The following MCTP2 variants were observed in gnomAD, a reference collection of about 807,000 sequenced individuals.
MCTP2 encodes multiple C2 and transmembrane domain containing 2, also known as multiple C2 and transmembrane domain-containing protein 2.
In MCTP2, 132 loss-of-function variants were observed where a neutral mutation model predicts 111.6. The ratio of observed to expected loss-of-function variants is 1.18; its 90% CI spans 1.03 to 1.37. The LOEUF (loss-of-function observed/expected upper bound fraction) is 1.37, where lower values mean the gene tolerates loss of function less well. Ranked by LOEUF, MCTP2 falls within the 40% of genes most tolerant of loss-of-function variation. The pLI, the probability that MCTP2 is intolerant of heterozygous loss-of-function variation, is 0.00. For missense variants in MCTP2, 1,183 were observed against 1,067.9 expected, an observed-to-expected ratio of 1.11 and a Z score of -1.50; for synonymous variants, 395 against 387.7, an observed-to-expected ratio of 1.02 and a Z score of -0.22.
chr15:94,244,313 C>G (rs2071531085), intron 1 of MCTP2, among the ~76,000 whole-genome samples: 1 of 147,518 alleles, frequency 6.8e-6, no homozygotes, highest in Non-Finnish European at 1.5e-5. Flanking sequence ...TTTATATACA[C>G]ATATGTATAC....
At position 94,457,373 on chromosome 15, in the gene MCTP2, G is replaced by A. The variant is rs76243861; in HGVS notation, c.2251-764G>A. On this transcript the variant is annotated intron_variant, in intron 19 of 22. Transcript: ENST00000357742. ...CTGGCATGGTAAAAACACATGTAAG[G>A]TTTTCTATAAGCAAAGTAAGGATAA... 2.8e-3 allele frequency among the ~76,000 whole-genome samples: 432 copies of A among 152,306 alleles called. 1 individual carries two copies. The highest frequency in any genetic ancestry group is 9.6e-3 in the African/African-American group (397 of 41,568).
Position 94,317,943 on chromosome 15 carries a change from T to C in MCTP2, c.637+2306T>C, listed in dbSNP as rs2076447542. ...GTATCCCTTCTCATTTCTATTATTATTATAAATGTATCTATTTTTACAACT... is the reference window on the plus strand; with the variant it reads ...GTATCCCTTCTCATTTCTATTATTACTATAAATGTATCTATTTTTACAACT... On this transcript the variant is annotated intron_variant, in intron 4 of 22. Coordinates refer to ENST00000357742, the MANE Select transcript of MCTP2 (RefSeq NM_001385001.1). Among the ~76,000 whole-genome samples, 3 of 152,156 alleles carry C rather than the reference T, an allele frequency of 2.0e-5. No individual in the cohort carries two copies. The South Asian group carries it at 6.2e-4, about 31-fold the overall frequency.
chr15:94,307,508 T>C (rs1431592502), intron 2 of MCTP2, among the ~76,000 whole-genome samples: 1 of 151,966 alleles, frequency 6.6e-6, no homozygotes, highest in Non-Finnish European at 1.5e-5. Flanking sequence ...GAGGCGGCAA[T>C]GGGAGGAGAT....
intron 1 of MCTP2, among the ~76,000 whole-genome samples, chr15:94,258,158 GAGCCAC>G (rs1596201396): frequency 6.6e-6 from 1 of 151,568 alleles, no homozygotes; most frequent in East Asian, 1.9e-4. Context: ...TTACAGGTGT[GAGCCAC>G]TGTGCCTGGC....
rs777115581 is a variant in MCTP2 at position 94,242,712 on chromosome 15, T to A, written c.-66+11048T>A. Among the ~76,000 whole-genome samples, 41 of 151,980 alleles carry A rather than the reference T, an allele frequency of 2.7e-4. 1 individual carries two copies. Among genetic ancestry groups the A allele is most frequent in the Non-Finnish European group, 1.0e-4 (7 of 67,954 alleles). On this transcript the variant is annotated intron_variant, in intron 1 of 22. Coordinates refer to ENST00000357742, the MANE Select transcript of MCTP2 (RefSeq NM_001385001.1). ...TTTTTTTAAACTTTAGATTTTTATT[T>A]TCATTTTAAAGATGTTTTTCCCTTT...
intron 1 of MCTP2, among the ~76,000 whole-genome samples, chr15:94,242,160 A>G (rs2071012673): frequency 6.6e-6 from 1 of 152,102 alleles, no homozygotes; most frequent in Non-Finnish European, 1.5e-5. Context: ...GGCTCCCTCA[A>G]ACCACCTTGT....
chr15:94,327,514 T>C (rs2152385174), intron 4 of MCTP2, among the ~76,000 whole-genome samples: 1 of 152,358 alleles, frequency 6.6e-6, no homozygotes, highest in East Asian at 1.9e-4. Context: ...CATTTGGGAT[T>C]TGCTTCTCAT....
intron 17 of MCTP2, among the ~76,000 whole-genome samples, chr15:94,428,782 G>A (rs527775511): frequency 6.6e-6 from 1 of 152,078 alleles, no homozygotes; most frequent in East Asian, 1.9e-4. Context: ...GTTAATTAGT[G>A]TACCCATTGT....
chr15:94,384,256 A>G (rs1445705402), intron 13 of MCTP2, 132 bp downstream of exon 13: 1 of 576,830 alleles, frequency 1.7e-6, no homozygotes, highest in Non-Finnish European at 2.8e-6. Context: ...AAAACCTTGT[A>G]TCCTTTCATT....
intron 4 of MCTP2, among the ~76,000 whole-genome samples, chr15:94,320,724 A>G (rs2076596352): frequency 6.6e-6 from 1 of 152,228 alleles, no homozygotes; most frequent in Non-Finnish European, 1.5e-5. Flanking sequence ...AAGGATTTAT[A>G]TGATTTCAGA....
Position 94,272,210 on chromosome 15 carries a change from A to AT in MCTP2, c.-65-25983dup, listed in dbSNP as rs61389976. Among the ~76,000 whole-genome samples, 443 of 152,162 alleles carry AT rather than the reference A, an allele frequency of 2.9e-3. 2 individuals carry two copies. The highest frequency in any genetic ancestry group is 0.01 in the African/African-American group (428 of 41,494). On this transcript the variant is annotated intron_variant, in intron 1 of 22. Transcript: ENST00000357742. ...ATATTTGTATGTAATGGCTAAGACA[A>AT]TTTTTTTTATTGGATGGTGCTTAAT...
At chr15:94,323,033 T>A (rs2076698654) in intron 4 of MCTP2, among the ~76,000 whole-genome samples, 1 of 152,230 alleles carries the variant, frequency 6.6e-6, no homozygotes, top group South Asian at 2.1e-4. Context: ...TTCACTGGCA[T>A]AAAGAGCTGT....
Position 94,380,372 on chromosome 15 carries a change from G to C in MCTP2, c.1583-3650G>C, listed in dbSNP as rs75676518. On this transcript the variant is annotated intron_variant, in intron 12 of 22. Coordinates refer to ENST00000357742, the MANE Select transcript of MCTP2 (RefSeq NM_001385001.1). ...GGGGCAGCATTTTCAGAATAGCAGA[G>C]ACCATTATGAGAGTCCCTTGCAGAT... Among the ~76,000 whole-genome samples, 990 of 152,288 alleles carry C rather than the reference G, an allele frequency of 6.5e-3. 10 individuals are homozygous for C. Among genetic ancestry groups the C allele is most frequent in the African/African-American group, 0.023 (953 of 41,540 alleles).
At chr15:94,236,386 T>A (rs968565382) in intron 1 of MCTP2, among the ~76,000 whole-genome samples, 1 of 133,276 alleles carries the variant, frequency 7.5e-6, no homozygotes, top group Admixed American at 7.5e-5. Flanking sequence ...TCTTTTTTTT[T>A]TTTTTTTTTT....
chr15:94,259,881 G>T (rs1255005823), intron 1 of MCTP2, among the ~76,000 whole-genome samples: 2 of 152,110 alleles, frequency 1.3e-5, no homozygotes, highest in Non-Finnish European at 2.9e-5. Context: ...TATTGTTATT[G>T]TTTGGACAGG....
At chr15:94,350,335 C>T (rs2078236704) in intron 8 of MCTP2, among the ~76,000 whole-genome samples, 1 of 152,270 alleles carries the variant, frequency 6.6e-6, no homozygotes, top group Non-Finnish European at 1.5e-5. Context: ...TGCCTGTAAT[C>T]CCAGCACTTT....
chr15:94,448,470 A>G (rs2084256377), intron 19 of MCTP2, among the ~76,000 whole-genome samples: 1 of 152,242 alleles, frequency 6.6e-6, no homozygotes, highest in Non-Finnish European at 1.5e-5. Context: ...TAGATTGAGT[A>G]TCCCTAATCT....
chr15:94,404,739 C>T (rs565905654), intron 17 of MCTP2, among the ~76,000 whole-genome samples: 29 of 149,364 alleles, frequency 1.9e-4, no homozygotes, highest in African/African-American at 5.6e-4. Flanking sequence ...ATTGGCGGGG[C>T]GGGTTGCACA....
intron 19 of MCTP2, among the ~76,000 whole-genome samples, chr15:94,455,976 A>G (rs559457035): frequency 6.6e-6 from 1 of 152,348 alleles, no homozygotes; most frequent in South Asian, 2.1e-4. Flanking sequence ...TATCCAGATG[A>G]TCAAATTTAT....
Sources: allele counts gnomAD v4.1 joint callset (sites outside exome capture counted in the v4.1 genomes callset), GRCh38; gene constraint gnomAD v4.1.1; transcripts MANE v1.5; gene names NCBI Gene and HGNC (gene_info 2026-07-23, HGNC 2026-07-21).